Variants in DIXDC1 observed in about 807,000 individuals in gnomAD.
DIXDC1 encodes dixin.
Under a neutral mutation model 103.1 loss-of-function variants are expected in DIXDC1, and 64 were observed. That is an observed-to-expected ratio of 0.62 (90% CI 0.51 to 0.76). DIXDC1 has a LOEUF of 0.76. Among genes scored for constraint, DIXDC1 ranks in the 30% least tolerant of loss-of-function variants. The pLI is 0.00. For missense variants in DIXDC1, 759 were observed against 834.2 expected, an observed-to-expected ratio of 0.91 and a Z score of 1.11; for synonymous variants, 266 against 298.5, an observed-to-expected ratio of 0.89 and a Z score of 1.12.
In DIXDC1 at chr11:111,992,577, G is replaced by A. The variant is rs587678570; in HGVS notation, c.1218+58G>A. 1.2e-5 allele frequency: 17 copies of A among 1,436,880 alleles called. No individual in the cohort carries two copies. The African/African-American group carries it at 1.6e-4, about 13-fold the overall frequency. 89.0% of individuals were successfully genotyped at this position (1,436,880 alleles called of 1,614,324 possible). A position where few individuals can be genotyped will look rare whatever the true frequency, so the allele number is the denominator to read the frequency against. On this transcript the variant is annotated intron_variant, in intron 11 of 19. Coordinates refer to ENST00000440460, the MANE Select transcript of DIXDC1 (RefSeq NM_001037954.4). ...AGCCCCATTAGCAGAACAGGCTACT[G>A]CACGAAGAACTATTAGACTGGCCAT...
chr11:111,928,168 C>G (rs1300039616), intron 1 of DIXDC1, among the ~76,000 whole-genome samples: 2 of 152,068 alleles, frequency 1.3e-5, no homozygotes, highest in African/African-American at 4.8e-5. Context: ...GGCAAAGACT[C>G]AATGCAGGCA....
At chr11:111,971,744 A>ATATCTG (rs1227821550) in intron 3 of DIXDC1, among the ~76,000 whole-genome samples, 9 of 151,650 alleles carry the variant, frequency 5.9e-5, no homozygotes, top group Non-Finnish European at 1.0e-4. Context: ...ATCTATATCT[A>ATATCTG]TATCTATATC....
intron 17 of DIXDC1, among the ~76,000 whole-genome samples, chr11:112,000,404 T>C (rs1264416392): frequency 6.6e-6 from 1 of 151,756 alleles, no homozygotes; most frequent in Non-Finnish European, 1.5e-5. Flanking sequence ...CCAAAGAAGA[T>C]AAAGAAATGG....
intron 17 of DIXDC1, among the ~76,000 whole-genome samples, chr11:112,005,551 A>G (rs1555176509): frequency 6.6e-6 from 1 of 152,030 alleles, no homozygotes; most frequent in Non-Finnish European, 1.5e-5. Context: ...AAAAAAAATT[A>G]GCCAGGTGTG....
At chr11:111,940,338 A>T (rs1966377258) in intron 1 of DIXDC1, among the ~76,000 whole-genome samples, 1 of 152,252 alleles carries the variant, frequency 6.6e-6, no homozygotes. Flanking sequence ...TTTGGATGGC[A>T]AATTATCCAC....
chr11:112,009,407 G>A (rs1555177006), intron 17 of DIXDC1, among the ~76,000 whole-genome samples: 1 of 152,140 alleles, frequency 6.6e-6, no homozygotes, highest in African/African-American at 2.4e-5. Flanking sequence ...CATTCCTTCT[G>A]AAACTATTCC....
At position 111,980,675 on chromosome 11, in the gene DIXDC1, A is replaced by G. The variant is rs117176562; in HGVS notation, c.657-62A>G. Reference sequence around the variant, plus strand: ...TCCCTGTTCTCAGGAATAAATTATGAAAGCTGCTTTCTGAACAACTCTTCA... The same window carrying G: ...TCCCTGTTCTCAGGAATAAATTATGGAAGCTGCTTTCTGAACAACTCTTCA... On this transcript the variant is annotated intron_variant, in intron 5 of 19. Coordinates refer to ENST00000440460, the MANE Select transcript of DIXDC1 (RefSeq NM_001037954.4). 7,099 of 1,389,494 alleles carry G rather than the reference A, an allele frequency of 5.1e-3. 33 individuals are homozygous for G. Among genetic ancestry groups the G allele is most frequent in the Admixed American group, 6.8e-3 (353 of 52,054 alleles). The allele number at this position is 1,389,494 out of a possible 1,614,324, so 86.1% of individuals were successfully genotyped here.
chr11:111,952,618 C>T (rs587759632), intron 1 of DIXDC1, among the ~76,000 whole-genome samples: 76 of 152,082 alleles, frequency 5.0e-4, no homozygotes, highest in Non-Finnish European at 7.9e-4. Flanking sequence ...GTGAGGAGTT[C>T]GAGACCAGCC....
intron 1 of DIXDC1, among the ~76,000 whole-genome samples, chr11:111,941,919 G>C (rs1401696160): frequency 2.6e-5 from 4 of 152,080 alleles, no homozygotes; most frequent in Non-Finnish European, 5.9e-5. Flanking sequence ...GGGGGACATA[G>C]AGTGAGTGAG....
chr11:111,951,151 T>G (rs1966791348), intron 1 of DIXDC1, among the ~76,000 whole-genome samples: 1 of 152,216 alleles, frequency 6.6e-6, no homozygotes, highest in South Asian at 2.1e-4. Flanking sequence ...TGCAAATACA[T>G]TCAAAAACTT....
intron 17 of DIXDC1, among the ~76,000 whole-genome samples, chr11:111,997,381 G>T (rs1860935997): frequency 1.3e-5 from 2 of 151,922 alleles, no homozygotes; most frequent in African/African-American, 2.4e-5. Flanking sequence ...TGTTGCCCAG[G>T]CTGGAGTGCA....
chr11:111,968,853 C>CCT, intron 3 of DIXDC1, among the ~76,000 whole-genome samples: 1 of 152,242 alleles, frequency 6.6e-6, no homozygotes, highest in East Asian at 1.9e-4. Flanking sequence ...TGGTTCACTG[C>CCT]AACCTTTGCC....
chr11:111,942,342 G>T (rs1311234459), intron 1 of DIXDC1, among the ~76,000 whole-genome samples: 1 of 152,222 alleles, frequency 6.6e-6, no homozygotes. Flanking sequence ...GGGAACACTA[G>T]AAAGGCTTCA....
chr11:111,970,494 G>A (rs1592578748), intron 3 of DIXDC1, among the ~76,000 whole-genome samples: 1 of 151,830 alleles, frequency 6.6e-6, no homozygotes, highest in East Asian at 1.9e-4. Context: ...AGAGGTAAAA[G>A]AAATTCAAAA....
chr11:111,984,529 C>G (rs898873503), intron 7 of DIXDC1, among the ~76,000 whole-genome samples: 1 of 152,122 alleles, frequency 6.6e-6, no homozygotes, highest in South Asian at 2.1e-4. Context: ...CAAAGTGAGA[C>G]TCTGTCTCCA....
rs1860128372 is a variant in DIXDC1, at chr11:111,977,166, C to A, written c.656+2183C>A. The A allele has an allele frequency of 2.7e-6, 2 of 748,330 alleles. No homozygotes were observed. The highest frequency in any genetic ancestry group is 6.3e-5 in the Admixed American group (1 of 15,990). The allele number at this position is 748,330 out of a possible 1,614,324, so 46.4% of individuals were successfully genotyped here. On this transcript the variant is annotated intron_variant, in intron 5 of 19. Coordinates refer to ENST00000440460, the MANE Select transcript of DIXDC1 (RefSeq NM_001037954.4). This position sits in a 1 kb window ranked among gnomAD's most constrained non-coding sequence, Gnocchi z 6.1. ...TCGACGTCCCCACCCCCACCTCCAC[C>A]CCGCCCAGCCCCGCCCCTGGCCCGC...
At chr11:112,012,945 T>TTGACATTCTCCCCAAATGTGTACA in intron 17 of DIXDC1, among the ~76,000 whole-genome samples, 1 of 152,356 alleles carries the variant, frequency 6.6e-6, no homozygotes, top group South Asian at 2.1e-4. Context: ...TACTCTCTCT[T>TTGACATTCTCCCCAAATGTGTACA]TGACATTCTC....
intron 7 of DIXDC1, 128 bp downstream of exon 7, chr11:111,982,615 A>G: frequency 2.0e-6 from 2 of 1,011,236 alleles, no homozygotes; most frequent in Admixed American, 2.8e-5. Context: ...AGATATAGGG[A>G]ATAGCACAGA....
At chr11:111,988,445 C>G (rs1555174115) in intron 9 of DIXDC1, among the ~76,000 whole-genome samples, 1 of 152,140 alleles carries the variant, frequency 6.6e-6, no homozygotes, top group Non-Finnish European at 1.5e-5. Context: ...AAATCTATTT[C>G]CTAGTGACAA....
Sources: gnomAD v4.1 joint callset for allele counts (sites outside exome capture counted in the v4.1 genomes callset) on GRCh38, gnomAD v4.1.1 for gene constraint, Gnocchi (gnomAD v3.1) non-coding constraint, MANE v1.5 for transcripts, NCBI Gene and HGNC (gene_info 2026-07-23, HGNC 2026-07-21) for gene names.